Variants in WBP11 observed in about 807,000 individuals in gnomAD.
WBP11 encodes WW domain binding protein 11.
Under a neutral mutation model 66.7 loss-of-function variants are expected in WBP11, and 12 were observed. The ratio of observed to expected loss-of-function variants is 0.18; its 90% CI spans 0.12 to 0.29. The LOEUF is 0.29. Among genes scored for constraint, WBP11 ranks in the 10% least tolerant of loss-of-function variants. The pLI, the probability that WBP11 is intolerant of heterozygous loss-of-function variation, is 1.00. For missense variants in WBP11, 555 were observed against 818.3 expected (o/e 0.68, Z 3.93); for synonymous variants, 255 against 273.8 (o/e 0.93, Z 0.68).
At position 14,796,206 on chromosome 12, in the gene WBP11, G is replaced by C. The variant is rs1949892756; in HGVS notation, c.387+601C>G. On this transcript the variant is annotated intron_variant, in intron 5 of 11. Transcript: ENST00000261167. The surrounding 1 kb of genome is among the most constrained non-coding windows in gnomAD (Gnocchi z 4.5). ...TTATTCCATGCTGTTTTGAGTATTA[G>C]ATTATTCCTTTTATTGCTGAATAGT... 6.6e-6 allele frequency among the ~76,000 whole-genome samples: 1 copy of C among 152,056 alleles called. No homozygotes were observed. Among genetic ancestry groups the C allele is most frequent in the Admixed American group, 6.6e-5 (1 of 15,262 alleles).
At chr12:14,794,013 T>A in intron 7 of WBP11, 91 bp from the exon 8 acceptor site, 74 of 608,814 alleles carry the variant, frequency 1.2e-4, no homozygotes, top group East Asian at 2.4e-4. Context: ...GCTATTCAAC[T>A]CAGACTGTAA....
chr12:14,792,710 G>A (rs891021389), intron 8 of WBP11, among the ~76,000 whole-genome samples: 1 of 151,984 alleles, frequency 6.6e-6, no homozygotes, highest in Non-Finnish European at 1.5e-5. Flanking sequence ...GCGGGTGCCT[G>A]TAATCCCAGC....
chr12:14,786,891 A>T lies in WBP11; in HGVS notation c.*174T>A, dbSNP rs1037404015. 18 of 665,254 alleles carry T rather than the reference A, an allele frequency of 2.7e-5. No individual in the cohort carries two copies. In the Admixed American group the frequency reaches 3.5e-4, roughly 13 times the overall value. 41.2% of individuals were successfully genotyped at this position (665,254 alleles called of 1,614,324 possible). On this transcript the variant is annotated 3_prime_UTR_variant, in exon 12 of 12. Coordinates refer to ENST00000261167, the MANE Select transcript of WBP11 (RefSeq NM_016312.3). ...ATAACTGATCTATTCTGGATGAAAT[A>T]CCCTTTTTTATGTGCAGTAAATTCT...
rs1592221151 is a variant in WBP11 at position 14,796,990 on chromosome 12, C to T, written c.204G>A (p.Val68=). 1 of 1,598,236 alleles carries T rather than the reference C, an allele frequency of 6.3e-7. No individual in the cohort carries two copies. Among genetic ancestry groups the T allele is most frequent in the African/African-American group, 1.4e-5 (1 of 73,722 alleles). Residue 68 remains valine, a synonymous_variant, in exon 5 of 12, where the codon GTG becomes GTA. Coordinates refer to ENST00000261167, the MANE Select transcript of WBP11 (RefSeq NM_016312.3). This position sits in a 1 kb window ranked among gnomAD's most constrained non-coding sequence, Gnocchi z 4.5. ...EKLDEMEFNP[V]QQPQLNEKVL... is the part of the protein sequence containing the mutation. Reference sequence around the variant, plus strand: ...CTTTCTCATTTAATTGTGGCTGTTGCACTGGGTTAAACTCTAAGAGAAAAA... The same window carrying T: ...CTTTCTCATTTAATTGTGGCTGTTGTACTGGGTTAAACTCTAAGAGAAAAA...
chr12:14,788,231 C>A (rs1949777621), intron 11 of WBP11, among the ~76,000 whole-genome samples: 1 of 152,108 alleles, frequency 6.6e-6, no homozygotes, highest in Admixed American at 6.5e-5. Flanking sequence ...AAGAATGAAA[C>A]TCCGTCTCAA....
rs957011099 is a variant in WBP11 at position 14,785,420 on chromosome 12, C to T, written c.*1645G>A. 14 of 152,122 alleles carry T rather than the reference C, an allele frequency of 9.2e-5. No individual in the cohort carries two copies. The highest frequency in any genetic ancestry group is 2.2e-4 in the African/African-American group (9 of 41,490). 9.4% of individuals were successfully genotyped at this position (152,122 alleles called of 1,614,324 possible). A position where few individuals can be genotyped will look rare whatever the true frequency, so the allele number is the denominator to read the frequency against. ...ACCATATGGTTTGATCCTTGATATC[C>T]GTAAGTTATCAAGGATGGTGTCAAG... On this transcript the variant is annotated 3_prime_UTR_variant, in exon 12 of 12. Coordinates refer to ENST00000261167, the MANE Select transcript of WBP11 (RefSeq NM_016312.3).
intron 7 of WBP11, 79 bp downstream of exon 7, chr12:14,794,458 G>C: frequency 6.7e-7 from 1 of 1,489,656 alleles, no homozygotes; most frequent in Non-Finnish European, 9.4e-7. Flanking sequence ...TCTAAGTTCT[G>C]AGGGTGGTGA....
rs1317481154 is a variant in WBP11, at chr12:14,787,434, G to A, written c.1557C>T (p.Pro519=). ...PPLVPPLGPA[P]PGLFPPAPLP... ...AGGGAGCTGGTGGGAACAGCCCAGG[G>A]GGGGCAGGTCCAAGGGGAGGCACCA... Residue 519 remains proline, a synonymous_variant, in exon 12 of 12, where the codon CCC becomes CCT. Transcript: ENST00000261167. 1 of 1,551,144 alleles carries A rather than the reference G, an allele frequency of 6.4e-7. No individual in the cohort carries two copies. The highest frequency in any genetic ancestry group is 1.4e-5 in the African/African-American group (1 of 73,374).
In WBP11 at chr12:14,789,058, G is replaced by T. The variant is rs140443119; in HGVS notation, c.1385C>A (p.Pro462Gln). The T allele has an allele frequency of 2.6e-6, 4 of 1,514,722 alleles. No individual in the cohort carries two copies. Among genetic ancestry groups the T allele is most frequent in the Non-Finnish European group, 3.5e-6 (4 of 1,145,594 alleles). The allele number at this position is 1,514,722 out of a possible 1,614,324, so 93.8% of individuals were successfully genotyped here. A position where few individuals can be genotyped will look rare whatever the true frequency, so the allele number is the denominator to read the frequency against. The stretch of plus-strand genomic sequence containing the variant: ...AGGGCCAGGGGGTCGGCCTGGTGGT[G>T]GTCCTGGAGGTAAAAGTCGGGGTAA... The part of the protein sequence containing the change: ...GPLPRLLPPG[P>Q]PPGRPPGPPP... The change falls in exon 11 of 12, where the codon CCA becomes CAA. Residue 462 changes from proline (P) to glutamine (Q), a missense_variant. Coordinates refer to ENST00000261167, the MANE Select transcript of WBP11 (RefSeq NM_016312.3).
chr12:14,799,557 G>T, intron 4 of WBP11, 78 bp downstream of exon 4: 1 of 1,324,338 alleles, frequency 7.6e-7, no homozygotes, highest in Non-Finnish European at 1.1e-6. Flanking sequence ...TTTTACTTAC[G>T]CCTATGCTGC....
intron 11 of WBP11, among the ~76,000 whole-genome samples, 170 bp from the exon 12 acceptor site, chr12:14,787,668 TAA>T (rs1328934060): frequency 2.1e-4 from 32 of 152,350 alleles, no homozygotes; most frequent in Admixed American, 2.0e-3. Flanking sequence ...TATTTTATTA[TAA>T]AACAGTATTT....
At chr12:14,794,861 C>G in intron 6 of WBP11, 110 bp downstream of exon 6, 1 of 1,568,268 alleles carries the variant, frequency 6.4e-7, no homozygotes, top group Middle Eastern at 2.2e-4. Context: ...TCAAATGTCA[C>G]ACTGTTTACA....
rs778374521 is a variant in WBP11 at position 14,788,983 on chromosome 12, G to A, written c.1460C>T (p.Pro487Leu). 1.4e-6 allele frequency: 2 copies of A among 1,472,856 alleles called. No individual in the cohort carries two copies. The highest frequency in any genetic ancestry group is 1.5e-5 in the South Asian group (1 of 67,340). The allele number at this position is 1,472,856 out of a possible 1,614,324, so 91.2% of individuals were successfully genotyped here. The change falls in exon 11 of 12, where the codon CCC becomes CTC. Residue 487 changes from proline to leucine, a missense_variant. Transcript: ENST00000261167. ...GLPPGPPPRG[P>L]PPRLPPPAPP... Reference sequence around the variant, plus strand: ...TGCAGGGGGAGGTAGCCTTGGTGGGGGTCCACGAGGAGGGGGACCAGGAGG... The same window carrying A: ...TGCAGGGGGAGGTAGCCTTGGTGGGAGTCCACGAGGAGGGGGACCAGGAGG...
intron 4 of WBP11, among the ~76,000 whole-genome samples, chr12:14,797,284 C>T (rs915718663): frequency 2.0e-5 from 3 of 152,144 alleles, no homozygotes; most frequent in African/African-American, 2.4e-5. Context: ...CTGAAAACCT[C>T]GTGAAGATTC....
rs968924712 is a variant in WBP11, at chr12:14,787,570, A to C, written c.1493-72T>G. ...ATTTAACTACTATTAAGGACATTTA[A>C]ATATTGGTTGCCAATTTTTAAATAA... On this transcript the variant is annotated intron_variant, in intron 11 of 11. Transcript: ENST00000261167. 24 of 1,333,520 alleles carry C rather than the reference A, an allele frequency of 1.8e-5. No individual in the cohort carries two copies. The Middle Eastern group carries it at 6.8e-4, about 38-fold the overall frequency. The allele number at this position is 1,333,520 out of a possible 1,614,324, so 82.6% of individuals were successfully genotyped here.
intron 10 of WBP11, 135 bp downstream of exon 10, chr12:14,790,321 G>A (rs1046081687): frequency 2.5e-6 from 3 of 1,218,242 alleles, no homozygotes; most frequent in Non-Finnish European, 3.4e-6. Context: ...CTTGTCCTTT[G>A]AGAATCCTTC....
chr12:14,801,602 T>C (rs565041012), intron 1 of WBP11, among the ~76,000 whole-genome samples, 174 bp from the exon 2 acceptor site: 4 of 152,342 alleles, frequency 2.6e-5, no homozygotes, highest in South Asian at 2.1e-4. Flanking sequence ...TTCTTGACCA[T>C]GAAAATTTAG....
intron 4 of WBP11, 117 bp from the exon 5 acceptor site, chr12:14,797,120 C>T (rs779380049): frequency 1.1e-5 from 7 of 629,130 alleles, no homozygotes; most frequent in Non-Finnish European, 1.7e-5. Context: ...GATCTAGACA[C>T]CAGACATACT....
intron 5 of WBP11, among the ~76,000 whole-genome samples, chr12:14,795,833 T>C (rs943321619): frequency 3.3e-5 from 5 of 152,230 alleles, no homozygotes; most frequent in Admixed American, 6.5e-5. Flanking sequence ...CTATGTTGAA[T>C]TTCTGTTGTG....
Sources: allele counts gnomAD v4.1 joint callset (sites outside exome capture counted in the v4.1 genomes callset), GRCh38; gene constraint gnomAD v4.1.1; non-coding constraint Gnocchi (gnomAD v3.1); transcripts MANE v1.5; gene names NCBI Gene and HGNC (gene_info 2026-07-23, HGNC 2026-07-21).